NBPF26: variants seen among roughly 807,000 people sequenced by gnomAD.
NBPF26 encodes NBPF family member NBPF26.
A neutral mutation model predicts 119.6 loss-of-function variants in NBPF26; 79 were observed. The ratio of observed to expected loss-of-function variants is 0.66; its 90% CI spans 0.55 to 0.80. NBPF26 has a LOEUF of 0.80. NBPF26 is among the 30% of genes least tolerant of loss of function. NBPF26 has a pLI of 0.00. For missense variants in NBPF26, 800 were observed against 1,198.2 expected (o/e 0.67, Z 4.91); for synonymous variants, 299 against 457.7 (o/e 0.65, Z 4.43).
At position 120,822,096 on chromosome 1, in the gene NBPF26, C is replaced by T. The variant is rs1254033799; in HGVS notation, c.2424-8C>T. ...CTTCTGTCATCCCTGTCCTGCCTGG[C>T]TCATCAGGAATCTGCAGGAGTCTGA... On this transcript the variant is annotated splice_polypyrimidine_tract_variant and splice_region_variant and intron_variant, in intron 15 of 29. Coordinates refer to ENST00000620612, the Ensembl canonical transcript of NBPF26. 7.6e-6 allele frequency: 11 copies of T among 1,446,100 alleles called. 3 individuals carry two copies. The Middle Eastern group carries it at 9.6e-4, about 127-fold the overall frequency. 89.6% of individuals were successfully genotyped at this position (1,446,100 alleles called of 1,614,324 possible).
chr1:120,823,868 C>A (rs1553272376), intron 17 of NBPF26, 106 bp from the exon 18 acceptor site: 2 of 526,028 alleles, frequency 3.8e-6, no homozygotes, highest in Non-Finnish European at 6.7e-6. Context: ...ATGGATCTGT[C>A]CTTTTTCTTT....
At position 120,805,752 on chromosome 1, in the gene NBPF26, A is replaced by G. The variant is rs1553269806; in HGVS notation, c.948A>G (p.Arg316=). ...AACTGGCCGGCTTCCTGGCCAACCG[A>G]CAGAAGAAATACAGTAAGATCTATA... Residue 316 remains arginine, a synonymous_variant, in exon 5 of 30, where the codon CGA becomes CGG. Transcript: ENST00000620612. The G allele has an allele frequency of 5.9e-5, 84 of 1,425,392 alleles. 11 individuals are homozygous for G. Among genetic ancestry groups the G allele is most frequent in the Non-Finnish European group, 7.6e-5 (80 of 1,055,872 alleles). The allele number at this position is 1,425,392 out of a possible 1,614,324, so 88.3% of individuals were successfully genotyped here. A position where few individuals can be genotyped will look rare whatever the true frequency, so the allele number is the denominator to read the frequency against.
chr1:120,808,504 A>G, intron 6 of NBPF26, 41 bp from the exon 7 acceptor site: 1 of 752,326 alleles, frequency 1.3e-6, no homozygotes, highest in South Asian at 1.4e-5. Flanking sequence ...GGATCACTCA[A>G]CCCTTTCTAC....
chr1:120,756,688 G>A (rs1177547778), intron 1 of NBPF26, among the ~76,000 whole-genome samples: 1 of 117,168 alleles, frequency 8.5e-6, no homozygotes, highest in Non-Finnish European at 1.6e-5. Flanking sequence ...CTAAAACAAA[G>A]GGAGGCTTTT....
rs1295357632 is a variant in NBPF26, at chr1:120,728,640, C to T, written c.73+4390C>T. ...TTTTGTCCAGAATAGCCACACCTTACTGTAATTTCATCATTTTGGGGACTA... is the reference window on the plus strand; with the variant it reads ...TTTTGTCCAGAATAGCCACACCTTATTGTAATTTCATCATTTTGGGGACTA... On this transcript the variant is annotated intron_variant, in intron 1 of 29. Transcript: ENST00000620612. 3.2e-4 allele frequency among the ~76,000 whole-genome samples: 37 copies of T among 117,194 alleles called. 4 individuals are homozygous for T. The highest frequency in any genetic ancestry group is 1.0e-3 in the African/African-American group (21 of 20,198). The allele number at this position is 117,194 out of a possible 152,430, so 76.9% of individuals were successfully genotyped here. A position where few individuals can be genotyped will look rare whatever the true frequency, so the allele number is the denominator to read the frequency against.
At chr1:120,829,600 A>T (rs1289503206) in intron 18 of NBPF26, among the ~76,000 whole-genome samples, 61 of 109,762 alleles carry the variant, frequency 5.6e-4, no homozygotes, top group African/African-American at 2.9e-3. Flanking sequence ...AAACCAAGGA[A>T]TCTCTATGGT....
intron 1 of NBPF26, among the ~76,000 whole-genome samples, chr1:120,729,707 C>T (rs2101345464): frequency 8.5e-6 from 1 of 117,298 alleles, no homozygotes; most frequent in South Asian, 2.5e-4. Flanking sequence ...AGCAGTGTTT[C>T]CCTAACTTCT....
In NBPF26 at chr1:120,818,810, T is replaced by A. The variant is rs1263074022; in HGVS notation, c.2423+636T>A. Among the ~76,000 whole-genome samples, 2 of 119,394 alleles carry A rather than the reference T, an allele frequency of 1.7e-5. 1 individual carries two copies. Among genetic ancestry groups the A allele is most frequent in the African/African-American group, 8.2e-5 (2 of 24,522 alleles). 78.3% of individuals were successfully genotyped at this position (119,394 alleles called of 152,430 possible). A position where few individuals can be genotyped will look rare whatever the true frequency, so the allele number is the denominator to read the frequency against. On this transcript the variant is annotated intron_variant, in intron 15 of 29. Transcript: ENST00000620612. ...GTGCGGTTTTGAGTGAGTTTCTTAA[T>A]CCTGAGTTCTAATTTGATGGCACTG...
exon 1 of NBPF26, chr1:120,724,227 T>G: frequency 1.4e-6 from 2 of 1,404,828 alleles, no homozygotes; most frequent in East Asian, 2.4e-5. Flanking sequence ...GCGCTCTGGC[T>G]GTGCTGGGCG....
At chr1:120,840,822 G>A, downstream of NBPF26, 1 of 540,224 alleles carries the variant, frequency 1.9e-6, no homozygotes, top group Admixed American at 3.6e-5. Context: ...CACATGCCGG[G>A]AGTGATCAGT....
Position 120,823,778 on chromosome 1 carries a change from G to C in NBPF26, c.2640-196G>C, listed in dbSNP as rs1434034331. Among the ~76,000 whole-genome samples, 2 of 113,356 alleles carry C rather than the reference G, an allele frequency of 1.8e-5. 1 individual carries two copies. The highest frequency in any genetic ancestry group is 3.4e-5 in the Non-Finnish European group (2 of 58,472). The allele number at this position is 113,356 out of a possible 152,430, so 74.4% of individuals were successfully genotyped here. On this transcript the variant is annotated intron_variant, in intron 17 of 29. Coordinates refer to ENST00000620612, the Ensembl canonical transcript of NBPF26. Reference sequence around the variant, plus strand: ...TGTGTGTGTGTGTGTGTGTGTGTGTGTGTGTGTGTGTGTCTTTCATCTTTT... The same window carrying C: ...TGTGTGTGTGTGTGTGTGTGTGTGTCTGTGTGTGTGTGTCTTTCATCTTTT...
At chr1:120,770,489 G>T (rs1337256097) in intron 2 of NBPF26, among the ~76,000 whole-genome samples, 1 of 114,360 alleles carries the variant, frequency 8.7e-6, no homozygotes, top group Non-Finnish European at 1.7e-5. Flanking sequence ...GTTTTTTTAT[G>T]CCAGATAGAC....
rs1652491261 is a variant in NBPF26, at chr1:120,840,456, C to T, written c.4210C>T (p.Gln1404Ter). 6.8e-7 allele frequency: 1 copy of T among 1,477,128 alleles called. No homozygotes were observed. Among genetic ancestry groups the T allele is most frequent in the Non-Finnish European group, 9.2e-7 (1 of 1,091,162 alleles). The allele number at this position is 1,477,128 out of a possible 1,614,324, so 91.5% of individuals were successfully genotyped here. Residue 1404 changes from glutamine (Q) to a stop codon, truncating the protein, a stop_gained, in exon 30 of 30, where the codon CAG becomes TAG. Coordinates refer to ENST00000620612, the Ensembl canonical transcript of NBPF26. LOFTEE classifies it low-confidence loss of function (END_TRUNC). Reference sequence around the variant, plus strand: ...GTACTTTGAACTACCTGACTCATTCCAGCACTACAGAAGTGTGTTTTACTC... The same window carrying T: ...GTACTTTGAACTACCTGACTCATTCTAGCACTACAGAAGTGTGTTTTACTC...
intron 6 of NBPF26, among the ~76,000 whole-genome samples, 188 bp from the exon 7 acceptor site, chr1:120,808,357 C>A (rs1348934423): frequency 8.3e-6 from 1 of 119,780 alleles, no homozygotes; most frequent in Non-Finnish European, 1.6e-5. Flanking sequence ...GGAGCCCTCT[C>A]TGATACAGAG....
At chr1:120,840,486 G>C (rs1557994087) in exon 30 of NBPF26, 2 of 1,479,880 alleles carry the variant, frequency 1.4e-6, no homozygotes, top group East Asian at 4.5e-5. Context: ...TTACTCATTT[G>C]AGGAAGAGCA....
intron 5 of NBPF26, among the ~76,000 whole-genome samples, 193 bp from the exon 6 acceptor site, chr1:120,807,414 C>G (rs1391755433): frequency 8.1e-6 from 1 of 122,758 alleles, no homozygotes; most frequent in Non-Finnish European, 1.6e-5. Context: ...TCTCTTTCTT[C>G]GTCTTTAAAT....
intron 4 of NBPF26, among the ~76,000 whole-genome samples, chr1:120,802,270 T>A (rs1651591485): frequency 7.9e-6 from 1 of 126,044 alleles, no homozygotes; most frequent in East Asian, 2.0e-4. Context: ...AGGAGGACGA[T>A]GAACTTGAAT....
rs1291439948 is a variant in NBPF26 at position 120,743,822 on chromosome 1, C to T, written c.73+19572C>T. Among the ~76,000 whole-genome samples the T allele has an allele frequency of 2.0e-3, 251 of 127,438 alleles. 56 individuals are homozygous for T. Among genetic ancestry groups the T allele is most frequent in the African/African-American group, 8.2e-3 (248 of 30,148 alleles). The allele number at this position is 127,438 out of a possible 152,430, so 83.6% of individuals were successfully genotyped here. Reference sequence around the variant, plus strand: ...TGTGCTTAGATAAAAGCACATTTAACAAATAGGTTTTGCATTTTTTTAGCA... The same window carrying T: ...TGTGCTTAGATAAAAGCACATTTAATAAATAGGTTTTGCATTTTTTTAGCA... On this transcript the variant is annotated intron_variant, in intron 1 of 29. Transcript: ENST00000620612.
chr1:120,821,925 C>G (rs1652126521), intron 15 of NBPF26, among the ~76,000 whole-genome samples, 179 bp from the exon 16 acceptor site: 1 of 122,534 alleles, frequency 8.2e-6, no homozygotes, highest in Non-Finnish European at 1.6e-5. Flanking sequence ...TGCTCTGTCC[C>G]CAGAGCAGTC....
Sources: allele counts gnomAD v4.1 joint callset (sites outside exome capture counted in the v4.1 genomes callset), GRCh38; gene constraint gnomAD v4.1.1; transcripts MANE v1.5; gene names NCBI Gene and HGNC (gene_info 2026-07-23, HGNC 2026-07-21).